HYDIN: variants seen among roughly 807,000 people sequenced by gnomAD.
HYDIN encodes axonemal central pair apparatus protein HYDIN.
Under a neutral mutation model 403.9 loss-of-function variants are expected in HYDIN, and 132 were observed. The ratio of observed to expected loss-of-function variants is 0.33; its 90% CI spans 0.28 to 0.38. The LOEUF (loss-of-function observed/expected upper bound fraction) is 0.38, where lower values mean the gene tolerates loss of function less well. Among genes scored for constraint, HYDIN ranks in the 10% least tolerant of loss-of-function variants. The pLI, the probability that HYDIN is intolerant of heterozygous loss-of-function variation, is 1.00. For synonymous variants in HYDIN, 1,202 were observed against 1,891.7 expected (o/e 0.64, Z 9.46); for missense variants, 2,827 against 5,009.5 (o/e 0.56, Z 13.15).
chr16:71,043,344 A>G (rs1269646255), intron 18 of HYDIN, among the ~76,000 whole-genome samples: 5 of 150,638 alleles, frequency 3.3e-5, no homozygotes, highest in Non-Finnish European at 7.4e-5. Context: ...CTGTTCTGAA[A>G]ACATTCCTTC....
intron 11 of HYDIN, among the ~76,000 whole-genome samples, chr16:71,092,363 C>T (rs1341265105): frequency 6.6e-6 from 1 of 152,166 alleles, no homozygotes; most frequent in Non-Finnish European, 1.5e-5. Flanking sequence ...AAGAGAGCAC[C>T]TGCTCACTAG....
At chr16:71,012,976 T>C (rs2080139227) in intron 23 of HYDIN, among the ~76,000 whole-genome samples, 1 of 146,432 alleles carries the variant, frequency 6.8e-6, no homozygotes, top group African/African-American at 2.5e-5. Context: ...TCTCTACAAA[T>C]ACCCAGGTGG....
At chr16:71,049,985 TATATATATATA>T (rs1292243472) in intron 18 of HYDIN, among the ~76,000 whole-genome samples, 2 of 147,664 alleles carry the variant, frequency 1.4e-5, no homozygotes, top group Non-Finnish European at 3.0e-5. Context: ...AGTACAAGAA[TATATATATATA>T]ATATATATAT....
intron 10 of HYDIN, among the ~76,000 whole-genome samples, chr16:71,100,363 C>T (rs903981500): frequency 2.0e-5 from 3 of 152,066 alleles, no homozygotes; most frequent in Non-Finnish European, 4.4e-5. Context: ...AAACAAAACG[C>T]CAGCAGGTAG....
intron 83 of HYDIN, among the ~76,000 whole-genome samples, chr16:70,826,770 C>A (rs1041730777): frequency 7.0e-6 from 1 of 142,972 alleles, no homozygotes; most frequent in South Asian, 2.2e-4. Flanking sequence ...TAGATACTTT[C>A]TTTTTTTCTT....
intron 13 of HYDIN, among the ~76,000 whole-genome samples, chr16:71,073,180 T>G (rs1051426234): frequency 3.3e-5 from 5 of 152,180 alleles, no homozygotes; most frequent in African/African-American, 4.8e-5. Flanking sequence ...TGGGATGAGA[T>G]TTTGTTAGAT....
At chr16:71,149,425 A>C (rs1195542421) in intron 7 of HYDIN, among the ~76,000 whole-genome samples, 1 of 151,048 alleles carries the variant, frequency 6.6e-6, no homozygotes, top group Non-Finnish European at 1.5e-5. Flanking sequence ...TCTACTTTTA[A>C]ATATTTACCC....
intron 10 of HYDIN, among the ~76,000 whole-genome samples, chr16:71,110,405 TATATA>T (rs1035125423): frequency 1.8e-4 from 26 of 140,646 alleles, no homozygotes; most frequent in Admixed American, 1.3e-3. Flanking sequence ...TATATATTTA[TATATA>T]ATATATTTAT....
intron 39 of HYDIN, among the ~76,000 whole-genome samples, chr16:70,958,628 C>T (rs897674494): frequency 1.3e-5 from 2 of 152,220 alleles, no homozygotes; most frequent in South Asian, 2.1e-4. Context: ...CTGCCTGTTG[C>T]CCACACATCT....
intron 80 of HYDIN, 139 bp from the exon 81 acceptor site, chr16:70,829,969 T>C: frequency 1.4e-6 from 1 of 697,596 alleles, no homozygotes; most frequent in Non-Finnish European, 2.5e-6. Context: ...CCGTTTCTTT[T>C]TCTTTCATTC....
rs766132253 is a variant in HYDIN, at chr16:70,992,178, G to A, written c.3677C>T (p.Ala1226Val). Residue 1226 changes from alanine to valine, a missense_variant, in exon 24 of 86, where the codon GCC becomes GTC. Physicochemically the swap from Ala to Val is moderately conservative, Grantham distance 64. Coordinates refer to ENST00000393567, the MANE Select transcript of HYDIN (RefSeq NM_001270974.2). ...GATGGACTCCATCTGGGACACTGGG[G>A]CACTGTAGGGCTTCTTCGGCAATGT... ...FVTLPKKPYS[A>V]PVSQMESIPA... The A allele has an allele frequency of 5.0e-6, 8 of 1,603,792 alleles. No individual in the cohort carries two copies. The highest frequency in any genetic ancestry group is 2.2e-5 in the East Asian group (1 of 44,716).
intron 1 of HYDIN, among the ~76,000 whole-genome samples, chr16:71,191,416 C>T (rs964415360): frequency 3.3e-5 from 5 of 152,034 alleles, no homozygotes; most frequent in Non-Finnish European, 7.4e-5. Context: ...CGCGTGTTTG[C>T]GTTTACCTAG....
intron 60 of HYDIN, among the ~76,000 whole-genome samples, chr16:70,881,603 G>A (rs1339741524): frequency 7.2e-4 from 64 of 88,464 alleles, no homozygotes; most frequent in African/African-American, 3.1e-3. Context: ...GCAAGACTCC[G>A]TCTCAAAAAA....
At chr16:71,209,171 T>C (rs886429470) in intron 1 of HYDIN, among the ~76,000 whole-genome samples, 4 of 150,056 alleles carry the variant, frequency 2.7e-5, no homozygotes, top group Admixed American at 1.3e-4. Flanking sequence ...CTGAATCCAG[T>C]AGCACATCAA....
At chr16:70,877,240 C>A (rs2040501242) in intron 62 of HYDIN, among the ~76,000 whole-genome samples, 1 of 148,574 alleles carries the variant, frequency 6.7e-6, no homozygotes, top group Non-Finnish European at 1.5e-5. Flanking sequence ...ATTTAATTAT[C>A]ATCCCAGAAG....
intron 23 of HYDIN, among the ~76,000 whole-genome samples, chr16:71,002,808 G>A (rs1178567768): frequency 6.6e-6 from 1 of 150,820 alleles, no homozygotes; most frequent in African/African-American, 2.4e-5. Flanking sequence ...CTCCCAAGTA[G>A]CTGGGATTAC....
chr16:71,193,544 G>C (rs539184732), intron 1 of HYDIN, among the ~76,000 whole-genome samples: 1 of 152,110 alleles, frequency 6.6e-6, no homozygotes, highest in East Asian at 1.9e-4. Flanking sequence ...AAAAAGAAAC[G>C]TTTTAGAGTA....
chr16:70,941,745 G>A lies in HYDIN; in HGVS notation c.6744C>T (p.Leu2248=), dbSNP rs758468848. ...TLFAQNAAAA[L]LCLLKAIGSR... is the part of the protein sequence containing the mutation. ...TGCCAATGGCCTTCAGCAGGCAGAG[G>A]AGGGCGGCTGCAGCATTCTGAGCAA... Residue 2248 remains leucine (L), a synonymous_variant, in exon 43 of 86, where the codon CTC becomes CTT. Coordinates refer to ENST00000393567, the MANE Select transcript of HYDIN (RefSeq NM_001270974.2). 7 of 1,595,192 alleles carry A rather than the reference G, an allele frequency of 4.4e-6. No individual in the cohort carries two copies. In the South Asian group the frequency reaches 8.0e-5, roughly 18 times the overall value.
intron 80 of HYDIN, among the ~76,000 whole-genome samples, chr16:70,830,304 G>A (rs2143501289): frequency 7.0e-6 from 1 of 143,600 alleles, no homozygotes; most frequent in African/African-American, 2.7e-5. Flanking sequence ...GTGAGCCTGA[G>A]TGTAACTGGC....
Sources: gnomAD v4.1 joint callset for allele counts (sites outside exome capture counted in the v4.1 genomes callset) on GRCh38, gnomAD v4.1.1 for gene constraint, MANE v1.5 for transcripts, NCBI Gene and HGNC (gene_info 2026-07-23, HGNC 2026-07-21) for gene names.